The following GOT2 variants were observed in gnomAD, a reference collection of about 807,000 sequenced individuals.
GOT2 encodes glutamic-oxaloacetic transaminase 2, also known as aspartate aminotransferase, mitochondrial.
In GOT2, 17 loss-of-function variants were observed where a neutral mutation model predicts 50.0. The observed-to-expected ratio is 0.34, with a 90% CI of 0.23 to 0.51. GOT2 has a LOEUF of 0.51. Ranked by LOEUF, GOT2 falls within the 20% of genes least tolerant of loss-of-function variation. The probability of loss-of-function intolerance (pLI) is 0.97; values close to 1 mark genes in which losing one functional copy is unlikely to be tolerated. For synonymous variants in GOT2, 172 were observed against 204.9 expected, an observed-to-expected ratio of 0.84 and a Z score of 1.37; for missense variants, 430 against 559.6, an observed-to-expected ratio of 0.77 and a Z score of 2.34.
intron 1 of GOT2, among the ~76,000 whole-genome samples, chr16:58,726,724 G>A (rs1293866870): frequency 6.7e-6 from 1 of 149,532 alleles, no homozygotes; most frequent in Non-Finnish European, 1.5e-5. Context: ...CTGACCTCAA[G>A]TGATCCACCC....
chr16:58,709,163 G>T, intron 9 of GOT2: 1 of 315,106 alleles, frequency 3.2e-6, no homozygotes, highest in Admixed American at 4.7e-5. Flanking sequence ...TCGGGAGGCT[G>T]AGGCAGGAGG....
chr16:58,716,570 AC>A, intron 7 of GOT2, 92 bp downstream of exon 7: 2 of 1,008,990 alleles, frequency 2.0e-6, no homozygotes, highest in South Asian at 1.5e-5. Flanking sequence ...ACACACACAC[AC>A]ACACACACAC....
chr16:58,734,080 C>A (rs2044857740), intron 1 of GOT2, 60 bp downstream of exon 1: 1 of 1,005,194 alleles, frequency 9.9e-7, no homozygotes, highest in Non-Finnish European at 1.3e-6. Context: ...TCCTGGGGTG[C>A]TCGCAGCTCG....
At position 58,721,935 on chromosome 16, in the gene GOT2, C is replaced by T; in HGVS notation, c.375+215G>A. ...AGCTGGGATTACAGGCATGTGTCAC[C>T]ATGCCCGGCTAATTTTGTATTTTTA... On this transcript the variant is annotated intron_variant, in intron 3 of 9. Coordinates refer to ENST00000245206, the MANE Select transcript of GOT2 (RefSeq NM_002080.4). The T allele has an allele frequency of 1.7e-5, 7 of 400,834 alleles. 1 individual carries two copies. The South Asian group carries it at 1.9e-4, about 11-fold the overall frequency. The allele number at this position is 400,834 out of a possible 1,614,324, so 24.8% of individuals were successfully genotyped here.
intron 1 of GOT2, among the ~76,000 whole-genome samples, chr16:58,729,727 TTTTTTG>T (rs1022377590): frequency 6.6e-6 from 1 of 151,844 alleles, no homozygotes; most frequent in African/African-American, 2.4e-5. Context: ...AGAATTCTTT[TTTTTTG>T]TTTTTGTTTT....
At chr16:58,734,039 G>T in intron 1 of GOT2, 101 bp downstream of exon 1, 1 of 514,130 alleles carries the variant, frequency 1.9e-6, no homozygotes, top group Non-Finnish European at 3.1e-6. Context: ...GTGAGTGACA[G>T]TGTGTATTTG....
intron 6 of GOT2, 54 bp downstream of exon 6, chr16:58,718,142 T>G: frequency 7.9e-7 from 1 of 1,263,130 alleles, no homozygotes; most frequent in South Asian, 1.2e-5. Context: ...AAATTAAGCC[T>G]CCAAAGCTGG....
chr16:58,709,316 C>A, intron 9 of GOT2, 101 bp downstream of exon 9: 11 of 1,009,972 alleles, frequency 1.1e-5, no homozygotes, highest in East Asian at 5.3e-5. Context: ...AACAAAAAAC[C>A]CGAAAACATT....
At chr16:58,718,722 A>C (rs771520720) in intron 4 of GOT2, 34 bp from the exon 5 acceptor site, 9 of 1,519,942 alleles carry the variant, frequency 5.9e-6, no homozygotes, top group Admixed American at 2.2e-5. Context: ...CAGAAAAATG[A>C]ACAAAGGAGA....
At chr16:58,713,152 TA>T (rs2044664079) in intron 8 of GOT2, among the ~76,000 whole-genome samples, 1 of 147,498 alleles carries the variant, frequency 6.8e-6, no homozygotes, top group Admixed American at 6.7e-5. Flanking sequence ...AAAAAACAAA[TA>T]AAGAAAAAAC....
chr16:58,727,387 A>G (rs2044796346), intron 1 of GOT2, among the ~76,000 whole-genome samples: 1 of 152,040 alleles, frequency 6.6e-6, no homozygotes, highest in Non-Finnish European at 1.5e-5. Context: ...TTTTAAAAAA[A>G]GAAAAAACTG....
intron 1 of GOT2, among the ~76,000 whole-genome samples, chr16:58,732,913 C>T (rs2152099898): frequency 6.6e-6 from 1 of 152,276 alleles, no homozygotes; most frequent in South Asian, 2.1e-4. Context: ...AAAGAGCACA[C>T]GTTGACAGTG....
intron 1 of GOT2, among the ~76,000 whole-genome samples, chr16:58,731,296 C>A (rs1036658489): frequency 6.6e-6 from 1 of 152,118 alleles, no homozygotes; most frequent in African/African-American, 2.4e-5. Flanking sequence ...AGGTGCACAT[C>A]ACCATGCCCG....
At position 58,716,362 on chromosome 16, in the gene GOT2, C is replaced by T. The variant is rs2044692800; in HGVS notation, c.854-183G>A. On this transcript the variant is annotated intron_variant, in intron 7 of 9. Transcript: ENST00000245206. ...GAGGCACAAGGAAGTTTTGAGTACTCAGAGTATTCAAAGGTATTTTTTATT... is the reference window on the plus strand; with the variant it reads ...GAGGCACAAGGAAGTTTTGAGTACTTAGAGTATTCAAAGGTATTTTTTATT... 1.4e-5 allele frequency: 9 copies of T among 624,386 alleles called. No homozygotes were observed. In the South Asian group the frequency reaches 1.9e-4, roughly 13 times the overall value. The allele number at this position is 624,386 out of a possible 1,614,324, so 38.7% of individuals were successfully genotyped here.
intron 3 of GOT2, among the ~76,000 whole-genome samples, chr16:58,720,396 G>A (rs2044731957): frequency 6.6e-6 from 1 of 152,104 alleles, no homozygotes; most frequent in African/African-American, 2.4e-5. Context: ...TAAAGGTGTT[G>A]TAGAAGTACA....
intron 8 of GOT2, among the ~76,000 whole-genome samples, chr16:58,711,495 C>T (rs147422428): frequency 5.9e-4 from 90 of 152,294 alleles, no homozygotes; most frequent in Non-Finnish European, 1.0e-3. Context: ...CCTAAACCAT[C>T]TCTGTATAAT....
intron 3 of GOT2, 53 bp from the exon 4 acceptor site, chr16:58,719,308 C>CTGGGTCTGGGCCTGT: frequency 3.9e-6 from 5 of 1,273,278 alleles, no homozygotes; most frequent in Non-Finnish European, 4.6e-6. Flanking sequence ...TATACAGGCC[C>CTGGGTCTGGGCCTGT]AGACCCAGGG....
intron 1 of GOT2, among the ~76,000 whole-genome samples, chr16:58,726,084 T>A (rs540378071): frequency 6.6e-6 from 1 of 152,348 alleles, no homozygotes; most frequent in Non-Finnish European, 1.5e-5. Flanking sequence ...CATGCTAACA[T>A]AACTAACACA....
At chr16:58,729,158 A>G (rs934302640) in intron 1 of GOT2, among the ~76,000 whole-genome samples, 1 of 151,722 alleles carries the variant, frequency 6.6e-6, no homozygotes, top group Non-Finnish European at 1.5e-5. Context: ...CCTAGGCAAT[A>G]GTAAGAAGCA....
Sources: gnomAD v4.1 joint callset for allele counts (sites outside exome capture counted in the v4.1 genomes callset) on GRCh38, gnomAD v4.1.1 for gene constraint, MANE v1.5 for transcripts, NCBI Gene and HGNC (gene_info 2026-07-23, HGNC 2026-07-21) for gene names.